Variants in COL26A1 observed in about 807,000 individuals in gnomAD.
COL26A1 encodes collagen alpha-1(XXVI) chain.
A neutral mutation model predicts 59.3 loss-of-function variants in COL26A1; 41 were observed. The observed-to-expected ratio is 0.69, with a 90% CI of 0.54 to 0.90. COL26A1 has a LOEUF of 0.90. Among genes scored for constraint, COL26A1 ranks in the 40% least tolerant of loss-of-function variants. The probability of loss-of-function intolerance (pLI) is 0.00; values close to 1 mark genes in which losing one functional copy is unlikely to be tolerated. For synonymous variants in COL26A1, 266 were observed against 256.0 expected (o/e 1.04, Z -0.37); for missense variants, 612 against 602.3 (o/e 1.02, Z -0.17).
intron 3 of COL26A1, among the ~76,000 whole-genome samples, chr7:101,472,685 C>G (rs141715806): frequency 5.9e-5 from 9 of 152,312 alleles, no homozygotes; most frequent in African/African-American, 2.2e-4. Context: ...GACAGCCCTT[C>G]CCTCAGCCAA....
intron 1 of COL26A1, among the ~76,000 whole-genome samples, chr7:101,418,434 T>G (rs1345010372): frequency 6.6e-6 from 1 of 152,112 alleles, no homozygotes; most frequent in Admixed American, 6.6e-5. Flanking sequence ...ATTGCTTCTC[T>G]CTTTCCAATG....
rs577284204 is a variant in COL26A1 at position 101,366,564 on chromosome 7, A to T, written c.158+3374A>T. On this transcript the variant is annotated intron_variant, in intron 1 of 12. Coordinates refer to ENST00000313669, the MANE Select transcript of COL26A1 (RefSeq NM_001278563.3). Reference sequence around the variant, plus strand: ...CACCCAGGCAGGAGCGTAATGGTGCAATCATAGCTCACTGCAGCCTCGACC... The same window carrying T: ...CACCCAGGCAGGAGCGTAATGGTGCTATCATAGCTCACTGCAGCCTCGACC... Among the ~76,000 whole-genome samples, 3 of 139,090 alleles carry T rather than the reference A, an allele frequency of 2.2e-5. No individual in the cohort carries two copies. The South Asian group carries it at 6.8e-4, about 31-fold the overall frequency. 91.2% of individuals were successfully genotyped at this position (139,090 alleles called of 152,430 possible).
At chr7:101,417,088 T>C (rs182876779) in intron 1 of COL26A1, among the ~76,000 whole-genome samples, 14 of 152,286 alleles carry the variant, frequency 9.2e-5, no homozygotes, top group African/African-American at 3.4e-4. Context: ...TTGAGGACAT[T>C]AATTATGCTT....
chr7:101,462,459 G>A (rs1793638743), intron 3 of COL26A1, among the ~76,000 whole-genome samples: 1 of 152,012 alleles, frequency 6.6e-6, no homozygotes, highest in South Asian at 2.1e-4. Context: ...TGGGATTATA[G>A]GTGTGTACCA....
At position 101,432,316 on chromosome 7, in the gene COL26A1, C is replaced by T. The variant is rs185662554; in HGVS notation, c.281+12217C>T. Among the ~76,000 whole-genome samples, 176 of 152,124 alleles carry T rather than the reference C, an allele frequency of 1.2e-3. 1 individual carries two copies. The highest frequency in any genetic ancestry group is 0.01 in the Admixed American group (154 of 15,256). On this transcript the variant is annotated intron_variant, in intron 2 of 12. Transcript: ENST00000313669. ...GCTGTGGGAAGAATGGACATTGACC[C>T]GGCATGAGATGATGGTGGCTCATGC...
chr7:101,462,850 G>C (rs929825922), intron 3 of COL26A1, among the ~76,000 whole-genome samples: 2 of 151,914 alleles, frequency 1.3e-5, no homozygotes, highest in Non-Finnish European at 2.9e-5. Context: ...GAGCTGCAAG[G>C]AGGGACTTGC....
At chr7:101,376,024 G>A (rs1359791315) in intron 1 of COL26A1, among the ~76,000 whole-genome samples, 11 of 150,754 alleles carry the variant, frequency 7.3e-5, no homozygotes, top group African/African-American at 2.2e-4. Flanking sequence ...AGCCAGGCAC[G>A]GTGATGTGTG....
intron 2 of COL26A1, among the ~76,000 whole-genome samples, chr7:101,421,378 A>G (rs1041083881): frequency 6.6e-6 from 1 of 152,158 alleles, no homozygotes; most frequent in Non-Finnish European, 1.5e-5. Context: ...AAGTCTACTG[A>G]TTTAAATTAA....
chr7:101,548,433 G>A (rs1795786413), intron 8 of COL26A1, among the ~76,000 whole-genome samples: 1 of 152,216 alleles, frequency 6.6e-6, no homozygotes, highest in African/African-American at 2.4e-5. Context: ...ATCCCATGGG[G>A]CAGACAGACG....
At chr7:101,496,288 C>T (rs1563012067) in intron 3 of COL26A1, among the ~76,000 whole-genome samples, 1 of 152,216 alleles carries the variant, frequency 6.6e-6, no homozygotes, top group Non-Finnish European at 1.5e-5. Flanking sequence ...GCCCGGGTAA[C>T]TGAATAGGTT....
intron 3 of COL26A1, among the ~76,000 whole-genome samples, chr7:101,492,790 A>C (rs1688198541): frequency 2.0e-5 from 3 of 150,824 alleles, no homozygotes. Context: ...CCCAGGCTGG[A>C]GTGCAGTGGT....
In COL26A1 at chr7:101,447,669, C is replaced by CT. The variant is rs1793232037; in HGVS notation, c.282-14dup. 1 of 1,541,588 alleles carries CT rather than the reference C, an allele frequency of 6.5e-7. No individual in the cohort carries two copies. Among genetic ancestry groups the CT allele is most frequent in the African/African-American group, 1.4e-5 (1 of 73,382 alleles). On this transcript the variant is annotated splice_polypyrimidine_tract_variant and intron_variant, in intron 2 of 12. Coordinates refer to ENST00000313669, the MANE Select transcript of COL26A1 (RefSeq NM_001278563.3). Reference sequence around the variant, plus strand: ...GGTGGGAGCTCATGCCCCCCTGACGCTGTCTGTGTGTTAGTTACAGGACTC... The same window carrying CT: ...GGTGGGAGCTCATGCCCCCCTGACGCTTGTCTGTGTGTTAGTTACAGGACTC...
chr7:101,397,534 C>T (rs1023327807), intron 1 of COL26A1, among the ~76,000 whole-genome samples: 2 of 130,590 alleles, frequency 1.5e-5, no homozygotes, highest in Admixed American at 1.8e-4. Context: ...TCTCTCCTCC[C>T]CCCCCCTCCT....
At chr7:101,421,728 C>G (rs540694613) in intron 2 of COL26A1, among the ~76,000 whole-genome samples, 1 of 151,950 alleles carries the variant, frequency 6.6e-6, no homozygotes, top group South Asian at 2.1e-4. Context: ...TGGTATCTAC[C>G]AGGTTTCTCC....
Position 101,473,608 on chromosome 7 carries a change from C to CCACACACA in COL26A1, c.385+25860_385+25867dup, listed in dbSNP as rs150820078. 2.9e-3 allele frequency among the ~76,000 whole-genome samples: 418 copies of CCACACACA among 143,462 alleles called. 3 individuals are homozygous for CCACACACA. Among genetic ancestry groups the CCACACACA allele is most frequent in the African/African-American group, 9.7e-3 (375 of 38,558 alleles). The allele number at this position is 143,462 out of a possible 152,430, so 94.1% of individuals were successfully genotyped here. The stretch of plus-strand genomic sequence containing the variant: ...CAGGCAACAGAGCAACACCTTGTCT[C>CCACACACA]CACACACACACACACACACACACAC... On this transcript the variant is annotated intron_variant, in intron 3 of 12. Coordinates refer to ENST00000313669, the MANE Select transcript of COL26A1 (RefSeq NM_001278563.3).
rs1055547932 is a variant in COL26A1 at position 101,441,540 on chromosome 7, A to G, written c.282-6144A>G. On this transcript the variant is annotated intron_variant, in intron 2 of 12. Coordinates refer to ENST00000313669, the MANE Select transcript of COL26A1 (RefSeq NM_001278563.3). ...ACCATGTTGGCCAGGCTGGTCTCGA[A>G]CTCCTGGCCTCAAATGATCCACCTG... Among the ~76,000 whole-genome samples, 99 of 151,756 alleles carry G rather than the reference A, an allele frequency of 6.5e-4. 4 individuals are homozygous for G. The highest frequency in any genetic ancestry group is 2.1e-4 in the Non-Finnish European group (14 of 67,940).
intron 1 of COL26A1, among the ~76,000 whole-genome samples, chr7:101,409,760 G>A (rs1330328748): frequency 1.3e-5 from 2 of 152,172 alleles, no homozygotes; most frequent in Non-Finnish European, 2.9e-5. Flanking sequence ...AGATTTCAGA[G>A]GCTAGGGTCT....
intron 1 of COL26A1, among the ~76,000 whole-genome samples, chr7:101,378,953 CCAAA>C (rs1399514533): frequency 6.6e-6 from 1 of 152,006 alleles, no homozygotes; most frequent in Admixed American, 6.6e-5. Flanking sequence ...ACCAGGCCTG[CCAAA>C]CACTCACTGG....
intron 6 of COL26A1, 131 bp downstream of exon 6, chr7:101,544,227 CTT>C: frequency 5.2e-6 from 3 of 574,936 alleles, no homozygotes; most frequent in Non-Finnish European, 9.1e-6. Flanking sequence ...AAAACGGGGT[CTT>C]TTTTTTTTAA....
Sources: gnomAD v4.1 joint callset for allele counts (sites outside exome capture counted in the v4.1 genomes callset) on GRCh38, gnomAD v4.1.1 for gene constraint, MANE v1.5 for transcripts, NCBI Gene and HGNC (gene_info 2026-07-23, HGNC 2026-07-21) for gene names.